SUMF1: variants seen among roughly 807,000 people sequenced by gnomAD.
The protein encoded by SUMF1 is sulfatase modifying factor 1.
Under a neutral mutation model 47.6 loss-of-function variants are expected in SUMF1, and 48 were observed. That is an observed-to-expected ratio of 1.01 (90% CI 0.80 to 1.28). SUMF1 has a LOEUF of 1.28. Among genes scored for constraint, SUMF1 ranks in the 50% most tolerant of loss-of-function variants. The pLI is 0.00. For missense variants in SUMF1, 571 were observed against 485.4 expected, an observed-to-expected ratio of 1.18 and a Z score of -1.66; for synonymous variants, 230 against 192.1, an observed-to-expected ratio of 1.20 and a Z score of -1.63.
Position 4,416,303 on chromosome 3 carries a change from G to GA in SUMF1, c.840+824dup, listed in dbSNP as rs1012553935. The stretch of plus-strand genomic sequence containing the variant: ...ATTTATGTACAAGATGTTCACTGTA[G>GA]AAAAAAAAAACAGAAATAACCTGTT... On this transcript the variant is annotated intron_variant, in intron 6 of 8. Coordinates refer to ENST00000272902, the MANE Select transcript of SUMF1 (RefSeq NM_182760.4). Among the ~76,000 whole-genome samples the GA allele has an allele frequency of 8.4e-4, 123 of 146,054 alleles. 1 individual carries two copies. The highest frequency in any genetic ancestry group is 3.5e-3 in the Middle Eastern group (1 of 282).
intron 8 of SUMF1, among the ~76,000 whole-genome samples, chr3:4,157,178 T>C (rs1039614090): frequency 3.3e-5 from 5 of 151,560 alleles, no homozygotes; most frequent in African/African-American, 9.8e-5. Flanking sequence ...ATTCACAGAA[T>C]AGGTTATTTA....
intron 1 of SUMF1, among the ~76,000 whole-genome samples, chr3:4,459,093 G>A (rs2079742862): frequency 6.6e-6 from 1 of 152,146 alleles, no homozygotes; most frequent in Non-Finnish European, 1.5e-5. Context: ...ATTTCAGTTA[G>A]ATAGAAGAAA....
In SUMF1 at chr3:4,401,002, C is replaced by T. The variant is rs116324409; in HGVS notation, c.954+9863G>A. ...ACAACAGGCCCTGGTGTGTGATGTT[C>T]CTCACCCGGTGTCCAAGTGTTCTCA... is the stretch of plus-strand genomic sequence containing the variant. On this transcript the variant is annotated intron_variant, in intron 7 of 8. Transcript: ENST00000272902. Among the ~76,000 whole-genome samples the T allele has an allele frequency of 9.7e-3, 1,222 of 125,582 alleles. 15 individuals are homozygous for T. The highest frequency in any genetic ancestry group is 0.032 in the African/African-American group (1,079 of 34,108). 82.4% of individuals were successfully genotyped at this position (125,582 alleles called of 152,430 possible).
At chr3:4,393,756 T>C (rs1349751622) in intron 7 of SUMF1, among the ~76,000 whole-genome samples, 1 of 152,160 alleles carries the variant, frequency 6.6e-6, no homozygotes, top group Non-Finnish European at 1.5e-5. Flanking sequence ...GCCAAAGCTA[T>C]AGAAGTTTCT....
At chr3:4,296,226 T>C (rs1373865120) in intron 8 of SUMF1, among the ~76,000 whole-genome samples, 1 of 151,936 alleles carries the variant, frequency 6.6e-6, no homozygotes, top group Non-Finnish European at 1.5e-5. Context: ...TTTGTACTAC[T>C]GTTTGATGTT....
chr3:4,466,510 C>T (rs566573422), intron 1 of SUMF1, among the ~76,000 whole-genome samples: 1 of 152,258 alleles, frequency 6.6e-6, no homozygotes, highest in East Asian at 1.9e-4. Flanking sequence ...TTAGCCCTTC[C>T]TAAGTGCTAA....
intron 8 of SUMF1, among the ~76,000 whole-genome samples, chr3:4,087,020 G>T (rs1032264740): frequency 6.6e-6 from 1 of 152,156 alleles, no homozygotes; most frequent in South Asian, 2.1e-4. Context: ...CTAATACAAA[G>T]TACTATCATC....
intron 9 of SUMF1, among the ~76,000 whole-genome samples, chr3:4,053,289 T>C (rs1237721500): frequency 6.6e-6 from 1 of 152,106 alleles, no homozygotes; most frequent in Non-Finnish European, 1.5e-5. Flanking sequence ...TTTATGGACA[T>C]GGTTCGTGGC....
intron 8 of SUMF1, among the ~76,000 whole-genome samples, chr3:4,376,048 C>A (rs1700316168): frequency 6.6e-6 from 1 of 152,220 alleles, no homozygotes; most frequent in Admixed American, 6.5e-5. Flanking sequence ...TATACACCCA[C>A]CCCTGTGCAG....
chr3:4,329,795 C>T (rs1488339866), intron 8 of SUMF1, among the ~76,000 whole-genome samples: 1 of 151,892 alleles, frequency 6.6e-6, no homozygotes, highest in Non-Finnish European at 1.5e-5. Flanking sequence ...CATCATCAGG[C>T]TGCTAATTTT....
intron 7 of SUMF1, among the ~76,000 whole-genome samples, chr3:4,400,541 AAAC>A (rs1414141625): frequency 1.3e-5 from 2 of 152,228 alleles, no homozygotes; most frequent in Non-Finnish European, 2.9e-5. Context: ...CTGGTCTACT[AAAC>A]AACAAGAGGC....
Position 4,150,456 on chromosome 3 carries a change from G to T in SUMF1, c.1015-81711C>A, listed in dbSNP as rs183370464. ...AGGTGCCTGTAGTCCCAGCTACTTG[G>T]GAGGCTAAGGCAGGATAATTGCTTG... On this transcript the variant is annotated intron_variant and NMD_transcript_variant, in intron 8 of 12. Transcript: ENST00000448413. Among the ~76,000 whole-genome samples, 1,189 of 151,350 alleles carry T rather than the reference G, an allele frequency of 7.9e-3. 12 individuals carry two copies. Among genetic ancestry groups the T allele is most frequent in the Non-Finnish European group, 0.01 (696 of 67,972 alleles).
chr3:4,136,880 A>C (rs753599796), intron 8 of SUMF1, among the ~76,000 whole-genome samples: 13 of 152,144 alleles, frequency 8.5e-5, no homozygotes, highest in Non-Finnish European at 1.8e-4. Context: ...AATGCTCATC[A>C]TCACTGGCCA....
rs2819562 is a variant in SUMF1 at position 4,361,930 on chromosome 3, T to C, written c.*214A>G. On this transcript the variant is annotated 3_prime_UTR_variant, in exon 9 of 9. Coordinates refer to ENST00000272902, the MANE Select transcript of SUMF1 (RefSeq NM_182760.4). ...AAAGACTCTCAAAAGTAAAATATGG[T>C]GATGATCTCCAAAGATGCACCACAC... 0.4 allele frequency: 225,796 copies of C among 564,200 alleles called. 47,689 individuals carry two copies. The highest frequency in any genetic ancestry group is 0.46 in the Non-Finnish European group (143,867 of 313,354). The allele number at this position is 564,200 out of a possible 1,614,324, so 34.9% of individuals were successfully genotyped here.
chr3:4,346,750 T>G (rs965204716), intron 8 of SUMF1, among the ~76,000 whole-genome samples: 1 of 151,954 alleles, frequency 6.6e-6, no homozygotes, highest in Non-Finnish European at 1.5e-5. Flanking sequence ...ATGAGCTGGT[T>G]TTTTGAAAAA....
At chr3:4,451,664 T>C (rs1702972932) in intron 2 of SUMF1, among the ~76,000 whole-genome samples, 1 of 152,208 alleles carries the variant, frequency 6.6e-6, no homozygotes, top group African/African-American at 2.4e-5. Context: ...GACTTCTGCT[T>C]ATTACGAATG....
intron 8 of SUMF1, among the ~76,000 whole-genome samples, chr3:4,322,945 T>C (rs1027141377): frequency 6.6e-6 from 1 of 152,234 alleles, no homozygotes. Flanking sequence ...AATGTTCATA[T>C]AGCATTATTC....
intron 9 of SUMF1, among the ~76,000 whole-genome samples, chr3:4,036,617 T>TAAAA (rs3048141): frequency 3.5e-5 from 5 of 143,448 alleles, no homozygotes; most frequent in South Asian, 2.3e-4. Flanking sequence ...ATGAATCCAT[T>TAAAA]AAAAAAAAAA....
chr3:4,429,356 T>C (rs1194919547), intron 3 of SUMF1, among the ~76,000 whole-genome samples: 2 of 152,210 alleles, frequency 1.3e-5, no homozygotes, highest in Non-Finnish European at 2.9e-5. Flanking sequence ...TTATAGATCT[T>C]TACAGGTCTT....
Sources: allele counts gnomAD v4.1 joint callset (sites outside exome capture counted in the v4.1 genomes callset), GRCh38; gene constraint gnomAD v4.1.1; transcripts MANE v1.5; gene names NCBI Gene and HGNC (gene_info 2026-07-23, HGNC 2026-07-21).